LARGE1: variants seen among roughly 807,000 people sequenced by gnomAD.
LARGE1 encodes the protein LARGE xylosyl- and glucuronyltransferase 1, also known as xylosyl- and glucuronyltransferase LARGE1.
LARGE1 carries 43 observed loss-of-function variants against 87.6 expected under a neutral mutation model. The ratio of observed to expected loss-of-function variants is 0.49; its 90% CI spans 0.38 to 0.63. The LOEUF (loss-of-function observed/expected upper bound fraction) is 0.63. LARGE1 is among the 30% of genes least tolerant of loss of function. The pLI, the probability that LARGE1 is intolerant of heterozygous loss-of-function variation, is 0.00. For missense variants in LARGE1, 802 were observed against 1,000.2 expected (o/e 0.80, Z 2.67); for synonymous variants, 434 against 394.6 (o/e 1.10, Z -1.18).
chr22:33,756,263 T>C (rs1317528460), intron 2 of LARGE1, among the ~76,000 whole-genome samples: 1 of 152,138 alleles, frequency 6.6e-6, no homozygotes, highest in Non-Finnish European at 1.5e-5. Context: ...GAACAAACAT[T>C]TGGGGACCAA....
intron 2 of LARGE1, among the ~76,000 whole-genome samples, chr22:33,734,173 T>C (rs192962728): frequency 2.0e-5 from 3 of 152,176 alleles, no homozygotes; most frequent in African/African-American, 4.8e-5. Context: ...CACAGTCAAA[T>C]TGAATTACAG....
At chr22:33,868,799 G>T (rs2064185768) in intron 1 of LARGE1, among the ~76,000 whole-genome samples, 1 of 152,122 alleles carries the variant, frequency 6.6e-6, no homozygotes, top group Non-Finnish European at 1.5e-5. Flanking sequence ...TCTACCCCAT[G>T]GCAGGCACAG....
intron 11 of LARGE1, among the ~76,000 whole-genome samples, chr22:33,173,778 C>G (rs1922709304): frequency 6.6e-6 from 1 of 152,022 alleles, no homozygotes; most frequent in Non-Finnish European, 1.5e-5. Flanking sequence ...ATCAATGCAA[C>G]AAGAAGAGCT....
chr22:33,149,927 G>T, the LARGE1 span, among the ~76,000 whole-genome samples: 4 of 152,042 alleles, frequency 2.6e-5, no homozygotes, highest in East Asian at 5.8e-4. Flanking sequence ...TTCCTTCTAC[G>T]TAATTATTTT....
chr22:33,591,127 C>A (rs943585024), intron 5 of LARGE1, among the ~76,000 whole-genome samples: 2 of 152,162 alleles, frequency 1.3e-5, no homozygotes, highest in Non-Finnish European at 2.9e-5. Context: ...CTTGAACCCG[C>A]GAGGCGGAGG....
chr22:33,786,833 A>G (rs893470889), intron 1 of LARGE1, among the ~76,000 whole-genome samples: 1 of 152,180 alleles, frequency 6.6e-6, no homozygotes, highest in African/African-American at 2.4e-5. Flanking sequence ...CAGCCTGGCC[A>G]ATATAGTGAA....
chr22:33,464,542 C>A (rs991550835), intron 6 of LARGE1, among the ~76,000 whole-genome samples: 4 of 151,464 alleles, frequency 2.6e-5, no homozygotes, highest in South Asian at 4.2e-4. Context: ...AGATGAGCAA[C>A]AAAAAAAATG....
rs1930776682 is a variant in LARGE1 at position 33,283,096 on chromosome 22, C to G, written c.1877+106G>C. ...GGTGCTTTCCTGGCCTCACAATGGA[C>G]TAAGGCGAGCGACAAACTTCCAGAT... On this transcript the variant is annotated intron_variant, in intron 13 of 14. Transcript: ENST00000397394. 25 of 1,423,498 alleles carry G rather than the reference C, an allele frequency of 1.8e-5. No individual in the cohort carries two copies. The South Asian group carries it at 2.8e-4, about 16-fold the overall frequency. The allele number at this position is 1,423,498 out of a possible 1,614,324, so 88.2% of individuals were successfully genotyped here.
chr22:33,534,500 G>A (rs963004132), intron 6 of LARGE1, among the ~76,000 whole-genome samples: 4 of 152,108 alleles, frequency 2.6e-5, no homozygotes, highest in East Asian at 3.9e-4. Flanking sequence ...CCCAGCTAGC[G>A]GAACCTTCAT....
rs370541163 is a variant in LARGE1 at position 33,337,634 on chromosome 22, C to G, written c.1287+12G>C. On this transcript the variant is annotated intron_variant, in intron 10 of 14. Coordinates refer to ENST00000397394, the MANE Select transcript of LARGE1 (RefSeq NM_133642.5). ...GCCGCCCCTTCCCTGCCCAGCCTTG[C>G]GAGCCACTTACGTTTTCACTGTTGA... is the stretch of plus-strand genomic sequence containing the variant. 3 of 1,613,848 alleles carry G rather than the reference C, an allele frequency of 1.9e-6. No individual in the cohort carries two copies. The highest frequency in any genetic ancestry group is 2.5e-6 in the Non-Finnish European group (3 of 1,179,954).
intron 6 of LARGE1, among the ~76,000 whole-genome samples, chr22:33,434,651 T>A (rs929528204): frequency 4.6e-5 from 7 of 152,152 alleles, no homozygotes; most frequent in African/African-American, 1.7e-4. Flanking sequence ...TCAGGTAAGG[T>A]CATCTTCAGA....
intron 1 of LARGE1, among the ~76,000 whole-genome samples, chr22:33,859,901 C>A (rs1423961629): frequency 6.6e-6 from 1 of 152,116 alleles, no homozygotes; most frequent in Admixed American, 6.5e-5. Context: ...TATATCATTC[C>A]ACTCATATAA....
At chr22:33,842,909 C>CAAACAAAACA (rs138595293) in intron 1 of LARGE1, among the ~76,000 whole-genome samples, 5,075 of 146,570 alleles carry the variant, frequency 0.035, 100 homozygotes, top group Middle Eastern at 0.058. Context: ...CATTCTAGCA[C>CAAACAAAACA]AAACAAAACA....
intron 1 of LARGE1, among the ~76,000 whole-genome samples, chr22:33,895,470 G>C (rs2065115543): frequency 6.6e-6 from 1 of 152,188 alleles, no homozygotes; most frequent in African/African-American, 2.4e-5. Context: ...GCTTAGCTGT[G>C]TCTATGGTTC....
the LARGE1 span, among the ~76,000 whole-genome samples, chr22:33,075,345 T>C: frequency 2.6e-5 from 4 of 152,364 alleles, no homozygotes; most frequent in Non-Finnish European, 4.4e-5. Flanking sequence ...GAAAATCCTG[T>C]GTCTATCTGT....
intron 10 of LARGE1, among the ~76,000 whole-genome samples, chr22:33,337,037 G>C (rs1475196890): frequency 6.6e-6 from 1 of 150,890 alleles, no homozygotes; most frequent in African/African-American, 2.4e-5. Context: ...CTCCAGCCTG[G>C]GTGACAGAGT....
chr22:33,387,148 G>A (rs1170054344), intron 7 of LARGE1, among the ~76,000 whole-genome samples: 1 of 147,920 alleles, frequency 6.8e-6, no homozygotes, highest in African/African-American at 2.5e-5. Context: ...AGGGCGGGCA[G>A]GTGTGGTGGC....
intron 6 of LARGE1, among the ~76,000 whole-genome samples, chr22:33,516,316 G>T (rs932122997): frequency 6.6e-6 from 1 of 152,148 alleles, no homozygotes; most frequent in Non-Finnish European, 1.5e-5. Flanking sequence ...ATAGTGTGAG[G>T]ATGTGGGGAG....
At chr22:33,156,977 C>G in the LARGE1 span, among the ~76,000 whole-genome samples, 1 of 152,196 alleles carries the variant, frequency 6.6e-6, no homozygotes, top group African/African-American at 2.4e-5. Context: ...CTTCTCTTGT[C>G]TGCCACCATG....
Sources: gnomAD v4.1 joint callset for allele counts (sites outside exome capture counted in the v4.1 genomes callset) on GRCh38, gnomAD v4.1.1 for gene constraint, MANE v1.5 for transcripts, NCBI Gene and HGNC (gene_info 2026-07-23, HGNC 2026-07-21) for gene names.